The following DHRSX variants were observed in gnomAD, a reference collection of about 807,000 sequenced individuals.
The protein encoded by DHRSX is dehydrogenase/reductase X-linked.
Under a neutral mutation model 34.0 loss-of-function variants are expected in DHRSX, and 31 were observed. The ratio of observed to expected loss-of-function variants is 0.91; its 90% CI spans 0.69 to 1.23. The LOEUF (loss-of-function observed/expected upper bound fraction) is 1.23, where lower values mean the gene tolerates loss of function less well. DHRSX is among the 50% of genes most tolerant of loss of function. The pLI is 0.00. For missense variants in DHRSX, 414 were observed against 428.1 expected, an observed-to-expected ratio of 0.97 and a Z score of 0.29; for synonymous variants, 201 against 183.8, an observed-to-expected ratio of 1.09 and a Z score of -0.76.
Position 2,490,797 on chromosome X carries a change from G to A in DHRSX, c.109+10020C>T, listed in dbSNP as rs1163879950. 3.9e-6 allele frequency: 6 copies of A among 1,542,486 alleles called. No individual in the cohort carries two copies. In the East Asian group the frequency reaches 1.4e-4, roughly 35 times the overall value. On this transcript the variant is annotated intron_variant, in intron 1 of 6. Transcript: ENST00000334651. ...GCTGAGAAGGGCCAAGACAAACACA[G>A]CATGAGAAGGGACCCAGGCACGCAC...
At chrX:2,409,184 T>G (rs1294789187) in intron 2 of DHRSX, among the ~76,000 whole-genome samples, 4 of 152,342 alleles carry the variant, frequency 2.6e-5, no homozygotes, top group Admixed American at 6.5e-5. Context: ...GGAGCTTTTA[T>G]GCTGGAAACA....
At chrX:2,266,994 G>A (rs750286014) in intron 4 of DHRSX, 47 bp from the exon 5 acceptor site, 4 of 1,591,618 alleles carry the variant, frequency 2.5e-6, no homozygotes, top group Non-Finnish European at 1.7e-6. Flanking sequence ...GGAAGACAGT[G>A]GAGAAATCTC....
At position 2,333,118 on chromosome X, in the gene DHRSX, T is replaced by A. The variant is rs148357506; in HGVS notation, c.287-41515A>T. Reference sequence around the variant, plus strand: ...ATGGACACAATACTCAAGCTTCCCATTGGTGTCAATGTTTACATTCACGAT... The same window carrying A: ...ATGGACACAATACTCAAGCTTCCCAATGGTGTCAATGTTTACATTCACGAT... On this transcript the variant is annotated intron_variant, in intron 3 of 6. Coordinates refer to ENST00000334651, the MANE Select transcript of DHRSX (RefSeq NM_145177.3). Among the ~76,000 whole-genome samples, 90 of 152,292 alleles carry A rather than the reference T, an allele frequency of 5.9e-4. No homozygotes were observed. In the East Asian group the frequency reaches 6.7e-3, roughly 11 times the overall value.
intron 1 of DHRSX, among the ~76,000 whole-genome samples, chrX:2,456,572 G>A (rs2044299774): frequency 1.4e-5 from 2 of 142,616 alleles, no homozygotes; most frequent in African/African-American, 5.3e-5. Context: ...TGACATCACA[G>A]CACTGCACTC....
intron 3 of DHRSX, among the ~76,000 whole-genome samples, chrX:2,396,410 C>T (rs1157454540): frequency 1.7e-5 from 2 of 116,524 alleles, no homozygotes; most frequent in East Asian, 5.3e-4. Flanking sequence ...CAGAATCATG[C>T]TCTGTCTCCC....
Position 2,301,473 on chromosome X carries a change from G to A in DHRSX, c.287-9870C>T, listed in dbSNP as rs778733532. On this transcript the variant is annotated intron_variant, in intron 3 of 6. Transcript: ENST00000334651. ...TATTAGCCTTTCTTTGCTGAGCCTT[G>A]CACATTTCCACGAGGTGTCTCTGGA... 2.6e-5 allele frequency among the ~76,000 whole-genome samples: 4 copies of A among 152,290 alleles called. No homozygotes were observed. The East Asian group carries it at 7.7e-4, about 29-fold the overall frequency.
chrX:2,431,803 T>C (rs2043926997), intron 1 of DHRSX, among the ~76,000 whole-genome samples: 1 of 152,128 alleles, frequency 6.6e-6, no homozygotes, highest in Admixed American at 6.6e-5. Context: ...TTGAGTGCTG[T>C]GCTGACTACC....
intron 6 of DHRSX, among the ~76,000 whole-genome samples, chrX:2,242,784 T>A (rs1471182181): frequency 6.6e-6 from 1 of 151,870 alleles, no homozygotes; most frequent in African/African-American, 2.4e-5. Flanking sequence ...TAGCATATCA[T>A]CAAGAAATCA....
chrX:2,321,226 G>C (rs1198783604), intron 3 of DHRSX, among the ~76,000 whole-genome samples: 1 of 152,146 alleles, frequency 6.6e-6, no homozygotes, highest in Non-Finnish European at 1.5e-5. Flanking sequence ...GGGCGATGAT[G>C]ATCCGATTTC....
chrX:2,286,189 T>TAAGAAA (rs1484573660), intron 4 of DHRSX, among the ~76,000 whole-genome samples: 1 of 152,126 alleles, frequency 6.6e-6, no homozygotes, highest in Admixed American at 6.5e-5. Context: ...CTTTGCTTCT[T>TAAGAAA]CCCTAAATCC....
chrX:2,237,674 T>A (rs955828509), intron 6 of DHRSX, among the ~76,000 whole-genome samples: 5 of 151,970 alleles, frequency 3.3e-5, no homozygotes, highest in African/African-American at 1.2e-4. Flanking sequence ...CTGGCTAATT[T>A]CTGTATTTTT....
chrX:2,477,512 G>C (rs867731686), intron 1 of DHRSX, among the ~76,000 whole-genome samples: 3 of 140,964 alleles, frequency 2.1e-5, no homozygotes, highest in Non-Finnish European at 3.1e-5. Flanking sequence ...GTCACAGGTG[G>C]AAACAGTTTA....
At chrX:2,335,232 C>G (rs891617178) in intron 3 of DHRSX, among the ~76,000 whole-genome samples, 1 of 151,550 alleles carries the variant, frequency 6.6e-6, no homozygotes, top group East Asian at 1.9e-4. Flanking sequence ...TGAGGACGCA[C>G]CCATGACACA....
intron 3 of DHRSX, among the ~76,000 whole-genome samples, chrX:2,401,150 C>G: frequency 6.6e-6 from 1 of 150,872 alleles, no homozygotes; most frequent in East Asian, 1.9e-4. Flanking sequence ...TTCTCTGTCG[C>G]CCAGGCCGGA....
chrX:2,409,439 C>T (rs1181386620), intron 2 of DHRSX, among the ~76,000 whole-genome samples: 2 of 152,144 alleles, frequency 1.3e-5, no homozygotes, highest in Admixed American at 6.5e-5. Context: ...CTCAACCCCT[C>T]GACAGGCCCT....
rs1427257303 is a variant in DHRSX, at chrX:2,399,748, A to C, written c.286+8997T>G. On this transcript the variant is annotated intron_variant, in intron 3 of 6. Transcript: ENST00000334651. Reference sequence around the variant, plus strand: ...AGCAAAAAAAAAAAAAAAAACAAAAAAACACAGGGGCTGAGCTTGGTGTCT... The same window carrying C: ...AGCAAAAAAAAAAAAAAAAACAAAACAACACAGGGGCTGAGCTTGGTGTCT... Among the ~76,000 whole-genome samples, 18 of 150,560 alleles carry C rather than the reference A, an allele frequency of 1.2e-4. 2 individuals are homozygous for C. The highest frequency in any genetic ancestry group is 1.9e-4 in the East Asian group (1 of 5,136).
At chrX:2,398,976 C>T (rs1349160929) in intron 3 of DHRSX, among the ~76,000 whole-genome samples, 2 of 152,152 alleles carry the variant, frequency 1.3e-5, no homozygotes, top group Non-Finnish European at 2.9e-5. Flanking sequence ...CCTCAGCCTC[C>T]CGAGTAGCTG....
At chrX:2,259,407 G>T (rs866990791) in intron 5 of DHRSX, among the ~76,000 whole-genome samples, 20 of 124,932 alleles carry the variant, frequency 1.6e-4, no homozygotes, top group South Asian at 7.6e-4. Flanking sequence ...TATATATATA[G>T]ATATAGATAT....
chrX:2,286,555 C>G (rs1477566720), intron 4 of DHRSX, among the ~76,000 whole-genome samples: 1 of 152,108 alleles, frequency 6.6e-6, no homozygotes, highest in East Asian at 1.9e-4. Flanking sequence ...CCAAGAGAAC[C>G]AAGAGGATTT....
Sources: gnomAD v4.1 joint callset for allele counts (sites outside exome capture counted in the v4.1 genomes callset) on GRCh38, gnomAD v4.1.1 for gene constraint, MANE v1.5 for transcripts, NCBI Gene and HGNC (gene_info 2026-07-23, HGNC 2026-07-21) for gene names.